The following CFAP299 variants were observed in gnomAD, a reference collection of about 807,000 sequenced individuals.
The protein encoded by CFAP299 is cilia and flagella associated protein 299.
Under a neutral mutation model 27.0 loss-of-function variants are expected in CFAP299, and 21 were observed. That is an observed-to-expected ratio of 0.78 (90% CI 0.55 to 1.12). The LOEUF (loss-of-function observed/expected upper bound fraction) is 1.12, where lower values mean the gene tolerates loss of function less well. CFAP299 is among the 50% of genes most tolerant of loss of function. The pLI, the probability that CFAP299 is intolerant of heterozygous loss-of-function variation, is 0.00. For synonymous variants in CFAP299, 104 were observed against 98.1 expected (o/e 1.06, Z -0.36); for missense variants, 310 against 276.6 (o/e 1.12, Z -0.86).
At chr4:80,474,778 T>A (rs1730189508) in intron 2 of CFAP299, among the ~76,000 whole-genome samples, 1 of 152,214 alleles carries the variant, frequency 6.6e-6, no homozygotes, top group Non-Finnish European at 1.5e-5. Context: ...GGAAGTATTC[T>A]AGGTTCTAGG....
At chr4:80,821,935 G>T (rs1422777378) in intron 3 of CFAP299, among the ~76,000 whole-genome samples, 1 of 151,800 alleles carries the variant, frequency 6.6e-6, no homozygotes, top group East Asian at 1.9e-4. Flanking sequence ...CCTGAAAGAA[G>T]TCTACCATGG....
In CFAP299 at chr4:80,516,394, G is replaced by C. The variant is rs374462994; in HGVS notation, c.243-66699G>C. Among the ~76,000 whole-genome samples, 9 of 152,210 alleles carry C rather than the reference G, an allele frequency of 5.9e-5. No homozygotes were observed. The East Asian group carries it at 1.5e-3, about 26-fold the overall frequency. On this transcript the variant is annotated intron_variant, in intron 2 of 5. Transcript: ENST00000358105. Reference sequence around the variant, plus strand: ...AAGAAAATATGTTTAATTTGCTTATGGTTCTGTGGGCTATACAAGGATGGC... The same window carrying C: ...AAGAAAATATGTTTAATTTGCTTATCGTTCTGTGGGCTATACAAGGATGGC...
At chr4:80,535,071 C>G (rs1172349611) in intron 2 of CFAP299, among the ~76,000 whole-genome samples, 1 of 152,074 alleles carries the variant, frequency 6.6e-6, no homozygotes, top group African/African-American at 2.4e-5. Context: ...CGGAGTTTAG[C>G]AATTTGTGTG....
At chr4:80,826,662 ATAAG>A (rs1730006710) in intron 3 of CFAP299, among the ~76,000 whole-genome samples, 1 of 150,656 alleles carries the variant, frequency 6.6e-6, no homozygotes, top group African/African-American at 2.5e-5. Context: ...CAGAAAGAAG[ATAAG>A]TAAGATAATA....
intron 2 of CFAP299, among the ~76,000 whole-genome samples, chr4:80,566,626 AT>A (rs1218724647): frequency 1.3e-5 from 2 of 152,098 alleles, no homozygotes; most frequent in Non-Finnish European, 2.9e-5. Context: ...CTCCAGAGTA[AT>A]AACTGCTTCC....
chr4:80,838,089 C>T (rs188605692), intron 3 of CFAP299, among the ~76,000 whole-genome samples: 16 of 151,240 alleles, frequency 1.1e-4, no homozygotes, highest in Middle Eastern at 3.4e-3. Context: ...AAGTGTCCTT[C>T]GACCACTTTT....
intron 5 of CFAP299, 65 bp from the exon 6 acceptor site, chr4:80,963,452 A>AT (rs941113765): frequency 1.2e-5 from 12 of 984,246 alleles, no homozygotes; most frequent in African/African-American, 7.3e-5. Flanking sequence ...AAAATAAAAA[A>AT]AAAATTTTAA....
chr4:80,799,863 ATT>A (rs1491478396), intron 3 of CFAP299, among the ~76,000 whole-genome samples: 3 of 32,776 alleles, frequency 9.2e-5, no homozygotes, highest in African/African-American at 4.4e-4. Flanking sequence ...ATAAATATAT[ATT>A]ATATATATTA....
chr4:80,616,051 T>C (rs935112430), intron 3 of CFAP299, among the ~76,000 whole-genome samples: 20 of 152,214 alleles, frequency 1.3e-4, no homozygotes, highest in African/African-American at 4.6e-4. Flanking sequence ...CTGGTCAATA[T>C]AACCTCAGAT....
intron 2 of CFAP299, among the ~76,000 whole-genome samples, chr4:80,439,795 C>T (rs1374846882): frequency 6.6e-6 from 1 of 152,192 alleles, no homozygotes; most frequent in African/African-American, 2.4e-5. Flanking sequence ...AAGCTAAGAT[C>T]CACTGGCGGG....
chr4:80,472,657 G>A (rs1307601476), intron 2 of CFAP299, among the ~76,000 whole-genome samples: 1 of 152,100 alleles, frequency 6.6e-6, no homozygotes, highest in Non-Finnish European at 1.5e-5. Flanking sequence ...GCAGCCGGCT[G>A]GACAGGAGAA....
chr4:80,514,574 A>G (rs1345964727), intron 2 of CFAP299, among the ~76,000 whole-genome samples: 1 of 152,084 alleles, frequency 6.6e-6, no homozygotes, highest in Non-Finnish European at 1.5e-5. Flanking sequence ...ATGATTATTT[A>G]AAGCCCACTG....
chr4:80,718,468 G>A (rs1212710066), intron 3 of CFAP299, among the ~76,000 whole-genome samples: 3 of 151,964 alleles, frequency 2.0e-5, no homozygotes, highest in Non-Finnish European at 2.9e-5. Flanking sequence ...TAGTACTTTG[G>A]AACAATTGTC....
intron 3 of CFAP299, among the ~76,000 whole-genome samples, chr4:80,600,690 G>T (rs555732987): frequency 1.3e-4 from 20 of 152,058 alleles, no homozygotes; most frequent in African/African-American, 2.9e-4. Flanking sequence ...TCAGTTTTTT[G>T]TTGTTGTTGT....
intron 2 of CFAP299, among the ~76,000 whole-genome samples, chr4:80,449,435 G>A (rs1353375): frequency 0.94 from 142,201 of 151,794 alleles, 67,197 homozygotes; most frequent in East Asian, 1. Context: ...TTTATTAACT[G>A]TTGTTATTAA....
At chr4:80,548,426 A>T (rs1177380124) in intron 2 of CFAP299, among the ~76,000 whole-genome samples, 1 of 152,118 alleles carries the variant, frequency 6.6e-6, no homozygotes, top group Non-Finnish European at 1.5e-5. Context: ...GGAAGTGCAC[A>T]TATCAGGTAC....
At chr4:80,676,314 A>G (rs1199202151) in intron 3 of CFAP299, among the ~76,000 whole-genome samples, 1 of 152,210 alleles carries the variant, frequency 6.6e-6, no homozygotes, top group Non-Finnish European at 1.5e-5. Flanking sequence ...GCACTAAATC[A>G]TAGTGAATGA....
At chr4:80,609,005 A>C (rs1737828708) in intron 3 of CFAP299, among the ~76,000 whole-genome samples, 1 of 152,014 alleles carries the variant, frequency 6.6e-6, no homozygotes, top group Non-Finnish European at 1.5e-5. Flanking sequence ...CCTACATTTA[A>C]CTTTATTTTA....
At position 80,721,982 on chromosome 4, in the gene CFAP299, G is replaced by A. The variant is rs560298076; in HGVS notation, c.333+138799G>A. On this transcript the variant is annotated intron_variant, in intron 3 of 5. Transcript: ENST00000358105. ...ACTCAAGCAAAAAGTAAATTATGCC[G>A]GATAGAATCCAAATCTAAATAAAGG... 3.0e-3 allele frequency among the ~76,000 whole-genome samples: 449 copies of A among 152,148 alleles called. 5 individuals carry two copies. Among genetic ancestry groups the A allele is most frequent in the South Asian group, 0.014 (68 of 4,824 alleles).
Sources: gnomAD v4.1 joint callset for allele counts (sites outside exome capture counted in the v4.1 genomes callset) on GRCh38, gnomAD v4.1.1 for gene constraint, MANE v1.5 for transcripts, NCBI Gene and HGNC (gene_info 2026-07-23, HGNC 2026-07-21) for gene names.